The following SEZ6L variants were observed in gnomAD, a reference collection of about 807,000 sequenced individuals.
The protein encoded by SEZ6L is seizure related 6 homolog like.
A neutral mutation model predicts 106.2 loss-of-function variants in SEZ6L; 37 were observed. The observed-to-expected ratio is 0.35, with a 90% CI of 0.27 to 0.46. The LOEUF is 0.46. Ranked by LOEUF, SEZ6L falls within the 20% of genes least tolerant of loss-of-function variation. The pLI is 1.00. For synonymous variants in SEZ6L, 541 were observed against 570.4 expected, an observed-to-expected ratio of 0.95 and a Z score of 0.73; for missense variants, 1,172 against 1,332.8, an observed-to-expected ratio of 0.88 and a Z score of 1.88.
chr22:26,330,149 G>A (rs1238243607), intron 9 of SEZ6L, among the ~76,000 whole-genome samples: 3 of 152,226 alleles, frequency 2.0e-5, no homozygotes, highest in Non-Finnish European at 2.9e-5. Flanking sequence ...CCAGGGATTG[G>A]GGTGAAGACA....
At chr22:26,238,565 G>A (rs2079019284) in intron 1 of SEZ6L, among the ~76,000 whole-genome samples, 1 of 152,216 alleles carries the variant, frequency 6.6e-6, no homozygotes, top group Admixed American at 6.5e-5. Flanking sequence ...TAAGTGGCCA[G>A]ATAAAGAAAG....
At chr22:26,249,540 A>G (rs1274458706) in intron 1 of SEZ6L, among the ~76,000 whole-genome samples, 4 of 151,708 alleles carry the variant, frequency 2.6e-5, no homozygotes, top group East Asian at 1.9e-4. Context: ...GTGTGTGTGT[A>G]TGTGTGTCCA....
At chr22:26,269,302 T>A (rs768692815) in intron 1 of SEZ6L, among the ~76,000 whole-genome samples, 1 of 152,100 alleles carries the variant, frequency 6.6e-6, no homozygotes, top group Non-Finnish European at 1.5e-5. Context: ...TTAAAAATCA[T>A]CCCTGGAGAT....
At chr22:26,318,487 T>C (rs1460461454) in intron 9 of SEZ6L, among the ~76,000 whole-genome samples, 1 of 152,062 alleles carries the variant, frequency 6.6e-6, no homozygotes. Context: ...ATTAAGGTGA[T>C]TGAGGGTTTA....
At chr22:26,378,045 C>A (rs976186360) in intron 16 of SEZ6L, among the ~76,000 whole-genome samples, 3 of 152,168 alleles carry the variant, frequency 2.0e-5, no homozygotes, top group Non-Finnish European at 2.9e-5. Flanking sequence ...CCACAGAGAG[C>A]AGACCAACGG....
intron 1 of SEZ6L, among the ~76,000 whole-genome samples, chr22:26,273,297 G>T (rs1270015462): frequency 6.6e-6 from 1 of 152,258 alleles, no homozygotes; most frequent in Non-Finnish European, 1.5e-5. Context: ...AAGGGGGCCA[G>T]GTGGGTGCCA....
intron 1 of SEZ6L, among the ~76,000 whole-genome samples, chr22:26,190,557 A>C (rs1486237490): frequency 2.0e-5 from 3 of 152,202 alleles, no homozygotes; most frequent in Non-Finnish European, 2.9e-5. Flanking sequence ...TCTCATCTTT[A>C]ACAGGAATTT....
chr22:26,289,869 G>A (rs2081053574), intron 1 of SEZ6L, among the ~76,000 whole-genome samples: 1 of 152,234 alleles, frequency 6.6e-6, no homozygotes, highest in Admixed American at 6.5e-5. Context: ...ATCAGTCCGA[G>A]GGCCTTTGTC....
At chr22:26,264,169 G>T (rs998512219) in intron 1 of SEZ6L, among the ~76,000 whole-genome samples, 7 of 152,220 alleles carry the variant, frequency 4.6e-5, no homozygotes, top group Non-Finnish European at 7.3e-5. Flanking sequence ...TCCAATTCTG[G>T]AATCTTGGCA....
chr22:26,276,366 C>G lies in SEZ6L; in HGVS notation c.95-16040C>G, dbSNP rs1039814069. On this transcript the variant is annotated intron_variant, in intron 1 of 16. Coordinates refer to ENST00000248933, the MANE Select transcript of SEZ6L (RefSeq NM_021115.5). ...GCAAAGCCAGTGCTAGAACCCAGGT[C>G]TCCTGATTTCCTGGATCTTTTCTAC... Among the ~76,000 whole-genome samples, 5 of 152,330 alleles carry G rather than the reference C, an allele frequency of 3.3e-5. No individual in the cohort carries two copies. In the South Asian group the frequency reaches 8.3e-4, roughly 25 times the overall value.
chr22:26,335,094 AG>A (rs2082605101), intron 9 of SEZ6L, among the ~76,000 whole-genome samples: 1 of 152,236 alleles, frequency 6.6e-6, no homozygotes, highest in South Asian at 2.1e-4. Flanking sequence ...GTCCGATTCC[AG>A]GGATGCTAGA....
chr22:26,283,932 T>C (rs979543629), intron 1 of SEZ6L, among the ~76,000 whole-genome samples: 1 of 152,218 alleles, frequency 6.6e-6, no homozygotes, highest in African/African-American at 2.4e-5. Flanking sequence ...TTGACTGAAA[T>C]ATTTCAAAAT....
Position 26,188,992 on chromosome 22 carries a change from T to A in SEZ6L, c.94+19229T>A, listed in dbSNP as rs1195234537. On this transcript the variant is annotated intron_variant, in intron 1 of 16. Coordinates refer to ENST00000248933, the MANE Select transcript of SEZ6L (RefSeq NM_021115.5). ...TACACTTAAGAGGAATTTGACCACT[T>A]ACAAAATAATTTTTTTCCGTTACCT... Among the ~76,000 whole-genome samples the A allele has an allele frequency of 2.0e-5, 3 of 152,218 alleles. No homozygotes were observed. The East Asian group carries it at 5.8e-4, about 29-fold the overall frequency.
At chr22:26,300,224 T>C (rs549588588) in intron 5 of SEZ6L, among the ~76,000 whole-genome samples, 1 of 152,352 alleles carries the variant, frequency 6.6e-6, no homozygotes, top group South Asian at 2.1e-4. Flanking sequence ...TACATATGTA[T>C]ACATGTGCCA....
chr22:26,285,380 C>T (rs2080904158), intron 1 of SEZ6L, among the ~76,000 whole-genome samples: 2 of 152,220 alleles, frequency 1.3e-5, no homozygotes, highest in Non-Finnish European at 2.9e-5. Context: ...CTCCAACCCT[C>T]AAATTCAATG....
chr22:26,306,208 G>A (rs1399027447), intron 6 of SEZ6L, 64 bp downstream of exon 6: 14 of 1,558,440 alleles, frequency 9.0e-6, no homozygotes. Flanking sequence ...ATGGCTTGAG[G>A]ACTTGGAGTC....
chr22:26,267,031 G>A (rs1457848790), intron 1 of SEZ6L, among the ~76,000 whole-genome samples: 1 of 152,212 alleles, frequency 6.6e-6, no homozygotes, highest in African/African-American at 2.4e-5. Flanking sequence ...GGTATTTTGA[G>A]CAGAGGAAAT....
Position 26,210,020 on chromosome 22 carries a change from G to GA in SEZ6L, c.94+40265dup, listed in dbSNP as rs201564232. Among the ~76,000 whole-genome samples the GA allele has an allele frequency of 7.4e-3, 1,060 of 142,532 alleles. 22 individuals carry two copies. The highest frequency in any genetic ancestry group is 0.026 in the African/African-American group (986 of 38,510). 93.5% of individuals were successfully genotyped at this position (142,532 alleles called of 152,430 possible). The stretch of plus-strand genomic sequence containing the variant: ...AAGGAAGGAAGAAGGATGGGTCAAT[G>GA]AAAAAAAATATGTATTATGAAGCTG... On this transcript the variant is annotated intron_variant, in intron 1 of 16. Coordinates refer to ENST00000248933, the MANE Select transcript of SEZ6L (RefSeq NM_021115.5).
At chr22:26,316,618 G>C (rs1046612969) in intron 9 of SEZ6L, among the ~76,000 whole-genome samples, 12 of 152,054 alleles carry the variant, frequency 7.9e-5, no homozygotes, top group Non-Finnish European at 1.8e-4. Flanking sequence ...GATCATTTGA[G>C]GTCAGGAGTT....
Sources: gnomAD v4.1 joint callset for allele counts (sites outside exome capture counted in the v4.1 genomes callset) on GRCh38, gnomAD v4.1.1 for gene constraint, MANE v1.5 for transcripts, NCBI Gene and HGNC (gene_info 2026-07-23, HGNC 2026-07-21) for gene names.